RNF150: variants seen among roughly 807,000 people sequenced by gnomAD.
RNF150 encodes ring finger protein 150.
A neutral mutation model predicts 39.3 loss-of-function variants in RNF150; 24 were observed. The ratio of observed to expected loss-of-function variants is 0.61; its 90% CI spans 0.44 to 0.86. RNF150 has a LOEUF of 0.86. Ranked by LOEUF, RNF150 falls within the 40% of genes least tolerant of loss-of-function variation. The pLI, the probability that RNF150 is intolerant of heterozygous loss-of-function variation, is 0.00. For synonymous variants in RNF150, 255 were observed against 227.3 expected (o/e 1.12, Z -1.10); for missense variants, 502 against 587.8 (o/e 0.85, Z 1.51).
intron 5 of RNF150, among the ~76,000 whole-genome samples, chr4:140,912,976 A>C (rs1281749481): frequency 2.6e-5 from 4 of 151,830 alleles, no homozygotes; most frequent in South Asian, 4.2e-4. Context: ...AAAAAAAAAA[A>C]AAAAAAAACA....
intron 1 of RNF150, among the ~76,000 whole-genome samples, chr4:141,129,339 C>T (rs1475124155): frequency 6.6e-6 from 1 of 152,080 alleles, no homozygotes; most frequent in Non-Finnish European, 1.5e-5. Context: ...AAAGATTATG[C>T]TAAATCAAAG....
intron 6 of RNF150, among the ~76,000 whole-genome samples, chr4:140,899,613 C>A (rs768087184): frequency 5.9e-5 from 9 of 151,944 alleles, no homozygotes; most frequent in Non-Finnish European, 7.4e-5. Flanking sequence ...TGACTCTCAT[C>A]CTGATGTCCT....
intron 1 of RNF150, among the ~76,000 whole-genome samples, chr4:141,045,421 C>T (rs1471994768): frequency 6.6e-6 from 1 of 152,148 alleles, no homozygotes; most frequent in Non-Finnish European, 1.5e-5. Context: ...TAAGTAAGGT[C>T]CCTGATTTCA....
At chr4:141,084,215 T>C (rs115527114) in intron 1 of RNF150, among the ~76,000 whole-genome samples, 3,234 of 152,284 alleles carry the variant, frequency 0.021, 118 homozygotes, top group African/African-American at 0.072. Flanking sequence ...ACTATTACAT[T>C]TTCCCAAATA....
intron 1 of RNF150, among the ~76,000 whole-genome samples, chr4:141,097,848 T>C (rs928634250): frequency 6.6e-6 from 1 of 152,196 alleles, no homozygotes; most frequent in East Asian, 1.9e-4. Context: ...TTGTTTGATA[T>C]ATGGCACGCA....
At chr4:140,935,950 ACT>A (rs972788190) in intron 4 of RNF150, among the ~76,000 whole-genome samples, 1 of 151,492 alleles carries the variant, frequency 6.6e-6, no homozygotes, top group African/African-American at 2.4e-5. Flanking sequence ...GTCAATACCC[ACT>A]CTCTGCCATG....
rs1241146819 is a variant in RNF150 at position 140,866,765 on chromosome 4, G to A, written c.*1496C>T. 6.6e-6 allele frequency: 1 copy of A among 152,206 alleles called. No homozygotes were observed. The highest frequency in any genetic ancestry group is 2.4e-5 in the African/African-American group (1 of 41,458). The allele number at this position is 152,206 out of a possible 1,614,324, so 9.4% of individuals were successfully genotyped here. On this transcript the variant is annotated 3_prime_UTR_variant, in exon 7 of 7. Coordinates refer to ENST00000515673, the MANE Select transcript of RNF150 (RefSeq NM_020724.2). ...TGGTTAATCCAAGCCGCAGCCTGGT[G>A]TTTGCCAGCTGTGTAGAGATAAGGT...
chr4:141,008,691 G>T (rs1205294625), intron 1 of RNF150, among the ~76,000 whole-genome samples: 1 of 152,154 alleles, frequency 6.6e-6, no homozygotes, highest in Non-Finnish European at 1.5e-5. Flanking sequence ...AGTGAAGACA[G>T]TTCAAATTAA....
In RNF150 at chr4:140,949,340, G is replaced by T; in HGVS notation, c.768C>A (p.Ile256=). 1 of 1,613,222 alleles carries T rather than the reference G, an allele frequency of 6.2e-7. No homozygotes were observed. The change falls in exon 3 of 7, where the codon ATC becomes ATA. Residue 256 remains isoleucine, a synonymous_variant. Transcript: ENST00000515673. ...RRLGDAAKKA[I]SKLQIRTIKK... is the part of the protein sequence containing the mutation. The stretch of plus-strand genomic sequence containing the variant: ...TGATGGTCCTGATCTGGAGTTTGCT[G>T]ATGGCTTTCTTTGCTGCATCCCCCA...
chr4:140,907,577 TGA>T (rs1392745907), intron 6 of RNF150, among the ~76,000 whole-genome samples: 25 of 152,202 alleles, frequency 1.6e-4, no homozygotes, highest in African/African-American at 6.0e-4. Flanking sequence ...GAGGTTGGAA[TGA>T]GAGTATAAGT....
In RNF150 at chr4:140,965,976, C is replaced by A. The variant is rs183335221; in HGVS notation, c.735+1647G>T. Among the ~76,000 whole-genome samples the A allele has an allele frequency of 2.4e-4, 36 of 152,210 alleles. No homozygotes were observed. The East Asian group carries it at 4.6e-3, about 20-fold the overall frequency. ...TTTACTATATTAACCATTTTACTGT[C>A]TGTATGACTCCCCAAACACCATACT... On this transcript the variant is annotated intron_variant, in intron 2 of 6. Coordinates refer to ENST00000515673, the MANE Select transcript of RNF150 (RefSeq NM_020724.2).
At chr4:141,063,143 G>A (rs934186553) in intron 1 of RNF150, among the ~76,000 whole-genome samples, 1 of 152,106 alleles carries the variant, frequency 6.6e-6, no homozygotes, top group African/African-American at 2.4e-5. Context: ...AATATTTGTT[G>A]TTTAAAGAAT....
At chr4:141,039,396 T>TAGAGAAAGAAAGGGGAGGGAGGAGGA (rs1736272967) in intron 1 of RNF150, among the ~76,000 whole-genome samples, 1 of 133,320 alleles carries the variant, frequency 7.5e-6, no homozygotes, top group Non-Finnish European at 1.6e-5. Flanking sequence ...AGGGAGGAGG[T>TAGAGAAAGAAAGGGGAGGGAGGAGGA]AGAGAAAGAA....
chr4:140,915,696 T>G (rs1397030133), intron 5 of RNF150, among the ~76,000 whole-genome samples: 1 of 151,980 alleles, frequency 6.6e-6, no homozygotes, highest in African/African-American at 2.4e-5. Flanking sequence ...TTGAAGAGAG[T>G]AGTGGTTCTC....
intron 1 of RNF150, among the ~76,000 whole-genome samples, chr4:141,191,265 GA>G (rs1406896494): frequency 6.6e-6 from 1 of 151,852 alleles, no homozygotes; most frequent in Non-Finnish European, 1.5e-5. Context: ...TGATTCTCTT[GA>G]CTTGGGCTAG....
At chr4:141,095,562 G>A (rs1442771117) in intron 1 of RNF150, among the ~76,000 whole-genome samples, 1 of 152,110 alleles carries the variant, frequency 6.6e-6, no homozygotes, top group Non-Finnish European at 1.5e-5. Flanking sequence ...GGAAAAATCA[G>A]ACACAAAATA....
chr4:140,878,533 C>T (rs1279071039), intron 6 of RNF150, among the ~76,000 whole-genome samples: 1 of 152,076 alleles, frequency 6.6e-6, no homozygotes, highest in Non-Finnish European at 1.5e-5. Context: ...CTTTTTTATG[C>T]TTGTTGGCCA....
chr4:141,154,093 A>C (rs949684540), intron 1 of RNF150, among the ~76,000 whole-genome samples: 1 of 152,238 alleles, frequency 6.6e-6, no homozygotes, highest in Non-Finnish European at 1.5e-5. Flanking sequence ...AAGCACTTAG[A>C]ATAGTTCCAG....
chr4:141,198,307 A>G (rs892377052), intron 1 of RNF150, among the ~76,000 whole-genome samples: 3 of 152,140 alleles, frequency 2.0e-5, no homozygotes, highest in African/African-American at 7.2e-5. Flanking sequence ...GATTACAGCC[A>G]TGAGCCACCA....
Sources: allele counts gnomAD v4.1 joint callset (sites outside exome capture counted in the v4.1 genomes callset), GRCh38; gene constraint gnomAD v4.1.1; transcripts MANE v1.5; gene names NCBI Gene and HGNC (gene_info 2026-07-23, HGNC 2026-07-21).